CSMD1: variants seen among roughly 807,000 people sequenced by gnomAD.
CSMD1 encodes CUB and Sushi multiple domains 1, also known as CUB and sushi domain-containing protein 1.
A neutral mutation model predicts 417.5 loss-of-function variants in CSMD1; 213 were observed. That is an observed-to-expected ratio of 0.51 (90% confidence interval 0.46 to 0.57). The LOEUF is 0.57. Ranked by LOEUF, CSMD1 falls within the 20% of genes least tolerant of loss-of-function variation. CSMD1 has a pLI of 0.00. For synonymous variants in CSMD1, 2,862 were observed against 1,736.8 expected, an observed-to-expected ratio of 1.65 and a Z score of -16.11; for missense variants, 6,923 against 4,529.7, an observed-to-expected ratio of 1.53 and a Z score of -15.17.
chr8:4,223,919 G>C (rs1043145812), intron 3 of CSMD1, among the ~76,000 whole-genome samples: 3 of 152,162 alleles, frequency 2.0e-5, no homozygotes, highest in African/African-American at 7.2e-5. Context: ...CTTCCAGACG[G>C]TTAATAACAT....
intron 10 of CSMD1, among the ~76,000 whole-genome samples, chr8:3,547,761 G>A (rs1337082951): frequency 6.6e-6 from 1 of 152,126 alleles, no homozygotes. Context: ...TAATAGAAAT[G>A]TGTTGTGTTT....
intron 5 of CSMD1, among the ~76,000 whole-genome samples, chr8:3,947,613 A>T (rs1244612557): frequency 6.6e-6 from 1 of 151,740 alleles, no homozygotes; most frequent in Non-Finnish European, 1.5e-5. Context: ...TTAGTTTCCA[A>T]ATACGAGGAG....
intron 1 of CSMD1, among the ~76,000 whole-genome samples, chr8:4,685,786 G>A (rs1025937578): frequency 1.6e-4 from 24 of 152,138 alleles, no homozygotes; most frequent in Middle Eastern, 3.4e-3. Flanking sequence ...TTATTAGGTC[G>A]GTGCAAAAGT....
intron 2 of CSMD1, among the ~76,000 whole-genome samples, chr8:4,490,916 T>C (rs964501680): frequency 2.0e-5 from 3 of 152,214 alleles, no homozygotes; most frequent in Non-Finnish European, 4.4e-5. Context: ...CTATAACTTA[T>C]CACAGGAGTG....
rs534478392 is a variant in CSMD1 at position 3,020,762 on chromosome 8, T to C, written c.7856-2112A>G. 3.3e-5 allele frequency among the ~76,000 whole-genome samples: 5 copies of C among 152,214 alleles called. No homozygotes were observed. The East Asian group carries it at 7.7e-4, about 24-fold the overall frequency. ...TTTCTGTGGGGTGCACTACCAGAAA[T>C]TGGGAGGTCCAACTCGAGAGTCCAT... On this transcript the variant is annotated intron_variant, in intron 51 of 69. Coordinates refer to ENST00000635120, the MANE Select transcript of CSMD1 (RefSeq NM_033225.6).
intron 1 of CSMD1, among the ~76,000 whole-genome samples, chr8:4,662,448 T>C (rs1201593247): frequency 1.3e-5 from 2 of 152,138 alleles, no homozygotes; most frequent in Admixed American, 1.3e-4. Flanking sequence ...AACACTAATT[T>C]CTTTTTATTT....
chr8:3,706,986 C>T (rs766918588), intron 7 of CSMD1, among the ~76,000 whole-genome samples: 1 of 151,634 alleles, frequency 6.6e-6, no homozygotes, highest in Non-Finnish European at 1.5e-5. Flanking sequence ...CAAACATTTA[C>T]AGATTGATTT....
chr8:4,310,733 G>C (rs929964658), intron 3 of CSMD1, among the ~76,000 whole-genome samples: 2 of 152,124 alleles, frequency 1.3e-5, no homozygotes, highest in African/African-American at 2.4e-5. Context: ...ATACCATGGA[G>C]AGAGTAGCTC....
chr8:4,030,129 G>T (rs1057067672), intron 4 of CSMD1, among the ~76,000 whole-genome samples: 1 of 152,164 alleles, frequency 6.6e-6, no homozygotes, highest in South Asian at 2.1e-4. Context: ...TTTTCCAGGT[G>T]CATGATGCAA....
Position 2,985,112 on chromosome 8 carries a change from C to T in CSMD1, c.8378-6312G>A, listed in dbSNP as rs1251420463. Among the ~76,000 whole-genome samples, 13 of 152,148 alleles carry T rather than the reference C, an allele frequency of 8.5e-5. No homozygotes were observed. In the East Asian group the frequency reaches 1.4e-3, roughly 16 times the overall value. On this transcript the variant is annotated intron_variant, in intron 54 of 69. Transcript: ENST00000635120. ...AGCGACTCAAAATCAATATACGTCC[C>T]AATATAAACTGTGACACAATTTTTA...
At chr8:3,364,309 T>G (rs1161691182) in intron 20 of CSMD1, among the ~76,000 whole-genome samples, 1 of 152,230 alleles carries the variant, frequency 6.6e-6, no homozygotes, top group African/African-American at 2.4e-5. Flanking sequence ...TGTTGTCTTT[T>G]GTTTTTAAAA....
At chr8:4,757,933 C>G (rs937264782) in intron 1 of CSMD1, among the ~76,000 whole-genome samples, 3 of 141,930 alleles carry the variant, frequency 2.1e-5, no homozygotes, top group African/African-American at 7.9e-5. Context: ...GCACTCCATC[C>G]TGGGCAACAG....
intron 5 of CSMD1, among the ~76,000 whole-genome samples, chr8:3,954,567 C>T (rs1585027275): frequency 1.3e-5 from 2 of 152,214 alleles, no homozygotes; most frequent in Non-Finnish European, 2.9e-5. Flanking sequence ...CGGGGTTTCA[C>T]CGTGTTGCTC....
At chr8:4,057,641 T>G (rs553798673) in intron 3 of CSMD1, among the ~76,000 whole-genome samples, 1,199 of 100,680 alleles carry the variant, frequency 0.012, 22 homozygotes, top group African/African-American at 0.035. Context: ...TGCCTAGGTT[T>G]TCTTCTAGGG....
At chr8:3,124,738 T>G (rs980088180) in intron 41 of CSMD1, among the ~76,000 whole-genome samples, 14 of 152,306 alleles carry the variant, frequency 9.2e-5, no homozygotes, top group African/African-American at 3.4e-4. Context: ...TAGAACACAT[T>G]TTATAAGTGG....
In CSMD1 at chr8:3,594,218, C is replaced by G. The variant is rs139875788; in HGVS notation, c.1098-7958G>C. Among the ~76,000 whole-genome samples, 50 of 152,214 alleles carry G rather than the reference C, an allele frequency of 3.3e-4. No homozygotes were observed. In the East Asian group the frequency reaches 9.5e-3, roughly 29 times the overall value. On this transcript the variant is annotated intron_variant, in intron 8 of 69. Transcript: ENST00000635120. ...GTCCCCAAATGCACCAGACATGAGG[C>G]GAGCCCTGGACCGTATTAATGAGCT...
rs768340884 is a variant in CSMD1, at chr8:3,118,535, C to T, written c.6294G>A (p.Met2098Ile). Residue 2098 changes from methionine to isoleucine, a missense_variant, in exon 42 of 70, where the codon ATG (methionine) becomes ATA (isoleucine). Transcript: ENST00000635120. ...PDPPPFQNGY[M>I]INSDYSVGQS... ...GCCCCACGCTGTAATCCGAGTTGATCATGTACCCATTCTGAAATGGGGGTG... is the reference window on the plus strand; with the variant it reads ...GCCCCACGCTGTAATCCGAGTTGATTATGTACCCATTCTGAAATGGGGGTG... 1.9e-6 allele frequency: 3 copies of T among 1,613,938 alleles called. No homozygotes were observed. Among genetic ancestry groups the T allele is most frequent in the Non-Finnish European group, 2.5e-6 (3 of 1,179,878 alleles).
At chr8:4,672,608 G>A (rs952317560) in intron 1 of CSMD1, among the ~76,000 whole-genome samples, 2 of 152,076 alleles carry the variant, frequency 1.3e-5, no homozygotes, top group East Asian at 1.9e-4. Context: ...AATGTGCTAC[G>A]TATGCAGAAA....
chr8:3,862,797 C>A (rs981828099), intron 5 of CSMD1, among the ~76,000 whole-genome samples: 1 of 152,170 alleles, frequency 6.6e-6, no homozygotes, highest in African/African-American at 2.4e-5. Flanking sequence ...AACTGCCTAT[C>A]ACAACAGCAT....
Sources: allele counts gnomAD v4.1 joint callset (sites outside exome capture counted in the v4.1 genomes callset), GRCh38; gene constraint gnomAD v4.1.1; transcripts MANE v1.5; gene names NCBI Gene and HGNC (gene_info 2026-07-23, HGNC 2026-07-21).